The following MSRA variants were observed in gnomAD, a reference collection of about 807,000 sequenced individuals.
MSRA encodes the protein mitochondrial peptide methionine sulfoxide reductase.
A neutral mutation model predicts 31.3 loss-of-function variants in MSRA; 54 were observed. The ratio of observed to expected loss-of-function variants is 1.73; its 90% CI spans 1.39 to 2.17. The LOEUF (loss-of-function observed/expected upper bound fraction) is 2.17, where lower values mean the gene tolerates loss of function less well. MSRA is among the 30% of genes most tolerant of loss of function. The pLI, the probability that MSRA is intolerant of heterozygous loss-of-function variation, is 0.00. For missense variants in MSRA, 507 were observed against 300.9 expected, an observed-to-expected ratio of 1.69 and a Z score of -5.07; for synonymous variants, 169 against 116.5, an observed-to-expected ratio of 1.45 and a Z score of -2.90.
chr8:10,120,023 C>T (rs1468141605), intron 1 of MSRA, among the ~76,000 whole-genome samples: 1 of 152,088 alleles, frequency 6.6e-6, no homozygotes, highest in East Asian at 1.9e-4. Context: ...AGGAATTGTG[C>T]CCTTTAGTAG....
intron 2 of MSRA, among the ~76,000 whole-genome samples, chr8:10,221,741 A>G (rs1326582796): frequency 1.3e-5 from 2 of 152,198 alleles, no homozygotes; most frequent in African/African-American, 2.4e-5. Flanking sequence ...GGGAAAGAGA[A>G]TAGGAAATGC....
intron 3 of MSRA, among the ~76,000 whole-genome samples, chr8:10,298,139 G>A (rs945904379): frequency 6.6e-6 from 1 of 152,206 alleles, no homozygotes; most frequent in African/African-American, 2.4e-5. Flanking sequence ...GGGACCATAT[G>A]TCTCTGGCAA....
intron 1 of MSRA, among the ~76,000 whole-genome samples, chr8:10,076,736 G>A (rs369990155): frequency 5.3e-5 from 8 of 152,036 alleles, no homozygotes; most frequent in African/African-American, 1.9e-4. Context: ...TCCCGGCTCT[G>A]GGTTCTACTT....
chr8:10,394,450 A>T (rs572132218), intron 5 of MSRA, among the ~76,000 whole-genome samples: 3 of 152,374 alleles, frequency 2.0e-5, no homozygotes, highest in African/African-American at 7.2e-5. Flanking sequence ...TTATCACAAT[A>T]GGATTTACAA....
chr8:10,066,279 G>T (rs1425740059), intron 1 of MSRA, among the ~76,000 whole-genome samples: 2 of 151,932 alleles, frequency 1.3e-5, no homozygotes, highest in East Asian at 3.9e-4. Flanking sequence ...GAGCCCCTCT[G>T]CCCGGCCAAC....
intron 3 of MSRA, among the ~76,000 whole-genome samples, chr8:10,276,419 C>T (rs1799325193): frequency 6.6e-6 from 1 of 152,206 alleles, no homozygotes; most frequent in Non-Finnish European, 1.5e-5. Flanking sequence ...GTCAGGCTTT[C>T]TTGTTTCTGT....
chr8:10,169,098 A>G (rs1805385283), intron 1 of MSRA, among the ~76,000 whole-genome samples: 1 of 152,132 alleles, frequency 6.6e-6, no homozygotes, highest in Middle Eastern at 3.2e-3. Context: ...CCAAATTCTC[A>G]AGTTGGCACA....
chr8:10,187,052 T>C (rs1359087515), intron 1 of MSRA, among the ~76,000 whole-genome samples: 1 of 152,220 alleles, frequency 6.6e-6, no homozygotes, highest in Non-Finnish European at 1.5e-5. Flanking sequence ...TACTTTGAGC[T>C]TAACTGGAGC....
intron 5 of MSRA, among the ~76,000 whole-genome samples, chr8:10,400,095 G>T (rs1807355004): frequency 6.6e-6 from 1 of 151,936 alleles, no homozygotes; most frequent in East Asian, 1.9e-4. Flanking sequence ...TGGGAGGTAG[G>T]TGATAAACCA....
intron 1 of MSRA, among the ~76,000 whole-genome samples, chr8:10,111,090 A>T (rs551359331): frequency 3.9e-5 from 6 of 152,296 alleles, no homozygotes; most frequent in Admixed American, 3.9e-4. Context: ...CAAGTGTAGC[A>T]TCTTAGTCTC....
At chr8:10,154,064 G>A (rs531834742) in intron 1 of MSRA, among the ~76,000 whole-genome samples, 102 of 152,274 alleles carry the variant, frequency 6.7e-4, no homozygotes, top group Middle Eastern at 3.4e-3. Flanking sequence ...AGATAGCAGT[G>A]GAGAAGAGGA....
intron 1 of MSRA, among the ~76,000 whole-genome samples, chr8:10,064,317 A>G (rs909191594): frequency 7.9e-5 from 12 of 151,972 alleles, no homozygotes; most frequent in Non-Finnish European, 1.8e-4. Flanking sequence ...CCTCTTCTGT[A>G]AGCTCGGGCT....
At chr8:10,349,527 A>G (rs1157894462) in intron 5 of MSRA, among the ~76,000 whole-genome samples, 4 of 152,030 alleles carry the variant, frequency 2.6e-5, no homozygotes, top group African/African-American at 9.7e-5. Flanking sequence ...CATCTTGCAC[A>G]TTTGCTAACG....
chr8:10,283,361 A>T (rs1443172752), intron 3 of MSRA, among the ~76,000 whole-genome samples: 1 of 152,154 alleles, frequency 6.6e-6, no homozygotes, highest in Non-Finnish European at 1.5e-5. Flanking sequence ...GCTCCTATCC[A>T]GCAGCTAAAG....
At chr8:10,084,472 A>C (rs1320576085) in intron 1 of MSRA, among the ~76,000 whole-genome samples, 1 of 152,206 alleles carries the variant, frequency 6.6e-6, no homozygotes, top group Admixed American at 6.5e-5. Context: ...ACCTTCGTAA[A>C]TATTATTTCA....
At chr8:10,178,920 G>A (rs554957099) in intron 1 of MSRA, among the ~76,000 whole-genome samples, 2 of 152,270 alleles carry the variant, frequency 1.3e-5, no homozygotes, top group South Asian at 4.1e-4. Context: ...TAAGGCTCTT[G>A]TTCATTTCTT....
intron 1 of MSRA, among the ~76,000 whole-genome samples, chr8:10,164,309 A>T (rs1461174835): frequency 1.3e-5 from 2 of 152,134 alleles, no homozygotes; most frequent in African/African-American, 4.8e-5. Flanking sequence ...AATCCTTCCT[A>T]GGTGAAAAAT....
intron 5 of MSRA, among the ~76,000 whole-genome samples, chr8:10,418,838 ACCAAC>A (rs1563459655): frequency 4.3e-5 from 3 of 69,474 alleles, no homozygotes; most frequent in East Asian, 6.1e-4. Flanking sequence ...AAAAAAAAAA[ACCAAC>A]AAAAAAAAAA....
At chr8:10,273,325 A>G (rs570696949) in intron 3 of MSRA, among the ~76,000 whole-genome samples, 4 of 152,326 alleles carry the variant, frequency 2.6e-5, no homozygotes, top group African/African-American at 9.6e-5. Flanking sequence ...ATATCTTGAA[A>G]TAACACATTT....
Sources: allele counts gnomAD v4.1 joint callset (sites outside exome capture counted in the v4.1 genomes callset), GRCh38; gene constraint gnomAD v4.1.1; transcripts MANE v1.5; gene names NCBI Gene and HGNC (gene_info 2026-07-23, HGNC 2026-07-21).